PAIP2B: variants seen among roughly 807,000 people sequenced by gnomAD.
PAIP2B encodes polyadenylate-binding protein-interacting protein 2B.
In PAIP2B, 13 loss-of-function variants were observed where a neutral mutation model predicts 17.0. The ratio of observed to expected loss-of-function variants is 0.76; its 90% CI spans 0.50 to 1.22. The LOEUF (loss-of-function observed/expected upper bound fraction) is 1.22, where lower values mean the gene tolerates loss of function less well. Among genes scored for constraint, PAIP2B ranks in the 50% most tolerant of loss-of-function variants. The pLI, the probability that PAIP2B is intolerant of heterozygous loss-of-function variation, is 0.00. For synonymous variants in PAIP2B, 43 were observed against 48.7 expected (o/e 0.88, Z 0.48); for missense variants, 117 against 144.5 (o/e 0.81, Z 0.98).
intron 2 of PAIP2B, among the ~76,000 whole-genome samples, chr2:71,201,775 G>C (rs1259758720): frequency 1.3e-5 from 2 of 152,124 alleles, no homozygotes; most frequent in African/African-American, 4.8e-5. Flanking sequence ...ACAAAGTATA[G>C]AAAAACAACC....
intron 1 of PAIP2B, among the ~76,000 whole-genome samples, chr2:71,219,628 G>C (rs988197760): frequency 1.3e-5 from 2 of 152,148 alleles, no homozygotes; most frequent in African/African-American, 4.8e-5. Flanking sequence ...GTACTAAAAA[G>C]ATGGGCAGCC....
Position 71,182,823 on chromosome 2 carries a change from T to C in PAIP2B, c.*5656A>G, listed in dbSNP as rs569683. The stretch of plus-strand genomic sequence containing the variant: ...TTACAAAGTAACTTTTTTCCATTTT[T>C]GATATTTTTATGAAAATTATTTTCT... On this transcript the variant is annotated 3_prime_UTR_variant, in exon 4 of 4. Coordinates refer to ENST00000244221, the MANE Select transcript of PAIP2B (RefSeq NM_020459.1). 1.3e-5 allele frequency: 2 copies of C among 152,242 alleles called. No individual in the cohort carries two copies. Among genetic ancestry groups the C allele is most frequent in the African/African-American group, 2.4e-5 (1 of 41,462 alleles). 9.4% of individuals were successfully genotyped at this position (152,242 alleles called of 1,614,324 possible).
chr2:71,198,895 T>A (rs1398706789), intron 2 of PAIP2B, among the ~76,000 whole-genome samples: 1 of 152,226 alleles, frequency 6.6e-6, no homozygotes, highest in Non-Finnish European at 1.5e-5. Flanking sequence ...TGTATCACTT[T>A]ACTATGATTT....
In PAIP2B at chr2:71,183,996, G is replaced by A. The variant is rs1347562311; in HGVS notation, c.*4483C>T. On this transcript the variant is annotated 3_prime_UTR_variant, in exon 4 of 4. Coordinates refer to ENST00000244221, the MANE Select transcript of PAIP2B (RefSeq NM_020459.1). ...ATCCTTCAAGCATTAAACATTTTTG[G>A]AGGCTCATAATCAACAGGACAGAAT... 6.6e-6 allele frequency: 1 copy of A among 152,150 alleles called. No homozygotes were observed. The highest frequency in any genetic ancestry group is 1.5e-5 in the Non-Finnish European group (1 of 68,028). The allele number at this position is 152,150 out of a possible 1,614,324, so 9.4% of individuals were successfully genotyped here.
intron 2 of PAIP2B, among the ~76,000 whole-genome samples, chr2:71,198,585 G>A (rs908336168): frequency 4.0e-5 from 6 of 151,718 alleles, no homozygotes; most frequent in African/African-American, 7.3e-5. Context: ...GCGCCCAGCC[G>A]CTAATTTTTG....
intron 1 of PAIP2B, among the ~76,000 whole-genome samples, chr2:71,217,728 A>G (rs575120330): frequency 1.1e-4 from 17 of 152,330 alleles, no homozygotes; most frequent in Admixed American, 3.3e-4. Context: ...TACTAGCAAT[A>G]AAGCCTCAAA....
At chr2:71,211,314 C>T (rs948624260) in intron 1 of PAIP2B, among the ~76,000 whole-genome samples, 4 of 151,910 alleles carry the variant, frequency 2.6e-5, no homozygotes, top group East Asian at 1.9e-4. Flanking sequence ...TCTAATTGAG[C>T]GGTTTTCAGT....
intron 1 of PAIP2B, among the ~76,000 whole-genome samples, chr2:71,209,282 AAATGACATCTTT>A (rs1675226969): frequency 6.6e-6 from 1 of 152,220 alleles, no homozygotes; most frequent in Non-Finnish European, 1.5e-5. Flanking sequence ...AAGTCCACGG[AAATGACATCTTT>A]AAAGATTAGA....
chr2:71,222,234 C>T (rs1187529733), intron 1 of PAIP2B, among the ~76,000 whole-genome samples: 1 of 152,116 alleles, frequency 6.6e-6, no homozygotes, highest in Non-Finnish European at 1.5e-5. Flanking sequence ...GTGGCATACA[C>T]AAAAAAGCAT....
chr2:71,216,458 C>T (rs1013659994), intron 1 of PAIP2B, among the ~76,000 whole-genome samples: 3 of 152,206 alleles, frequency 2.0e-5, no homozygotes, highest in African/African-American at 4.8e-5. Context: ...GTAACCTGAA[C>T]TCCACACTAG....
At chr2:71,190,747 C>T (rs1236434621) in intron 2 of PAIP2B, among the ~76,000 whole-genome samples, 7 of 152,158 alleles carry the variant, frequency 4.6e-5, no homozygotes, top group Non-Finnish European at 1.0e-4. Context: ...GAAAAAGATA[C>T]TGCAAGTATA....
chr2:71,215,812 A>T (rs1675416622), intron 1 of PAIP2B, among the ~76,000 whole-genome samples: 1 of 152,152 alleles, frequency 6.6e-6, no homozygotes, highest in African/African-American at 2.4e-5. Flanking sequence ...AATAAATAAA[A>T]CTTTAAAAAA....
intron 1 of PAIP2B, among the ~76,000 whole-genome samples, chr2:71,206,009 T>G (rs1267054671): frequency 6.6e-6 from 1 of 152,218 alleles, no homozygotes; most frequent in Non-Finnish European, 1.5e-5. Flanking sequence ...TGTAAGAGTC[T>G]CAAGCACAGG....
At position 71,186,819 on chromosome 2, in the gene PAIP2B, G is replaced by A. The variant is rs1225030461; in HGVS notation, c.*1660C>T. 6.6e-6 allele frequency: 1 copy of A among 152,180 alleles called. No individual in the cohort carries two copies. The allele number at this position is 152,180 out of a possible 1,614,324, so 9.4% of individuals were successfully genotyped here. On this transcript the variant is annotated 3_prime_UTR_variant, in exon 4 of 4. Coordinates refer to ENST00000244221, the MANE Select transcript of PAIP2B (RefSeq NM_020459.1). ...CTATGACATGTGACCTAACAAGGAAGGCAATTTTTTCAAATGATATAATCC... is the reference window on the plus strand; with the variant it reads ...CTATGACATGTGACCTAACAAGGAAAGCAATTTTTTCAAATGATATAATCC...
At chr2:71,218,771 T>C (rs753185456) in intron 1 of PAIP2B, among the ~76,000 whole-genome samples, 1 of 152,282 alleles carries the variant, frequency 6.6e-6, no homozygotes, top group Non-Finnish European at 1.5e-5. Context: ...ATATATTTAC[T>C]GCCACAGAAA....
intron 1 of PAIP2B, among the ~76,000 whole-genome samples, chr2:71,206,010 C>T (rs1184193627): frequency 6.6e-6 from 1 of 152,172 alleles, no homozygotes; most frequent in Non-Finnish European, 1.5e-5. Context: ...GTAAGAGTCT[C>T]AAGCACAGGC....
chr2:71,214,981 TA>T (rs1014712753), intron 1 of PAIP2B, among the ~76,000 whole-genome samples: 128 of 152,270 alleles, frequency 8.4e-4, no homozygotes, highest in Non-Finnish European at 5.9e-5. Flanking sequence ...ACAAAGATGG[TA>T]AAAACATCCT....
chr2:71,195,534 G>A (rs1160751149), intron 2 of PAIP2B, among the ~76,000 whole-genome samples: 1 of 152,072 alleles, frequency 6.6e-6, no homozygotes, highest in Non-Finnish European at 1.5e-5. Context: ...TTTGATGGTT[G>A]TTTTATTTCT....
In PAIP2B at chr2:71,189,971, C is replaced by A. The variant is rs1369656140; in HGVS notation, c.189G>T (p.Glu63Asp). 6.2e-7 allele frequency: 1 copy of A among 1,612,358 alleles called. No individual in the cohort carries two copies. Among genetic ancestry groups the A allele is most frequent in the Non-Finnish European group, 8.5e-7 (1 of 1,179,346 alleles). The stretch of plus-strand genomic sequence containing the variant: ...AGTCTTGGTCTTCTTCATCCAGCAT[C>A]TCTTGGAAGCAGCGGTCCAAGAAGT... ...EQDFLDRCFQ[E>D]MLDEEDQDWF... is the part of the protein sequence containing the mutation. Residue 63 changes from glutamate (E) to aspartate (D), a missense_variant, in exon 3 of 4, where the codon GAG (glutamate) becomes GAT (aspartate). Coordinates refer to ENST00000244221, the MANE Select transcript of PAIP2B (RefSeq NM_020459.1).
Sources: allele counts gnomAD v4.1 joint callset (sites outside exome capture counted in the v4.1 genomes callset), GRCh38; gene constraint gnomAD v4.1.1; transcripts MANE v1.5; gene names NCBI Gene and HGNC (gene_info 2026-07-23, HGNC 2026-07-21).